The following NWD2 variants were observed in gnomAD, a reference collection of about 807,000 sequenced individuals.
NWD2 encodes NACHT and WD repeat domain-containing protein 2.
NWD2 carries 37 observed loss-of-function variants against 132.7 expected under a neutral mutation model. The observed-to-expected ratio is 0.28, with a 90% CI of 0.21 to 0.37. The LOEUF (loss-of-function observed/expected upper bound fraction) is 0.37. Among genes scored for constraint, NWD2 ranks in the 10% least tolerant of loss-of-function variants. NWD2 has a pLI of 1.00. For synonymous variants in NWD2, 705 were observed against 803.0 expected (o/e 0.88, Z 2.06); for missense variants, 1,592 against 2,122.4 (o/e 0.75, Z 4.91).
At chr4:37,399,346 C>T (rs912633750) in intron 3 of NWD2, among the ~76,000 whole-genome samples, 17 of 152,214 alleles carry the variant, frequency 1.1e-4, no homozygotes, top group African/African-American at 4.1e-4. Flanking sequence ...GGCCTGGATT[C>T]AGCTTAACCC....
At chr4:37,312,569 C>G (rs1386044542) in intron 1 of NWD2, among the ~76,000 whole-genome samples, 1 of 150,984 alleles carries the variant, frequency 6.6e-6, no homozygotes, top group Non-Finnish European at 1.5e-5. Flanking sequence ...ATCATGTCAT[C>G]TGCAAACAGG....
intron 4 of NWD2, among the ~76,000 whole-genome samples, chr4:37,433,525 A>G (rs1712233056): frequency 6.6e-6 from 1 of 152,232 alleles, no homozygotes; most frequent in South Asian, 2.1e-4. Context: ...ACTAGATATA[A>G]CATAAGAGCA....
chr4:37,266,262 TAACTC>T (rs976365818), intron 1 of NWD2, among the ~76,000 whole-genome samples: 23 of 152,214 alleles, frequency 1.5e-4, no homozygotes, highest in Middle Eastern at 3.4e-3. Context: ...GAGCCACTGT[TAACTC>T]AAGTAATTGA....
chr4:37,384,717 TAC>T, intron 3 of NWD2, among the ~76,000 whole-genome samples: 1 of 152,362 alleles, frequency 6.6e-6, no homozygotes, highest in Non-Finnish European at 1.5e-5. Context: ...AGCCTCCAGA[TAC>T]ATCTAAAAGA....
At chr4:37,368,970 G>A (rs947901944) in intron 3 of NWD2, among the ~76,000 whole-genome samples, 1 of 152,164 alleles carries the variant, frequency 6.6e-6, no homozygotes, top group South Asian at 2.1e-4. Context: ...AGCTAAGGGG[G>A]TGAAATAGAA....
chr4:37,363,787 G>A (rs187951770), intron 3 of NWD2, among the ~76,000 whole-genome samples: 172 of 152,202 alleles, frequency 1.1e-3, no homozygotes, highest in African/African-American at 4.0e-3. Flanking sequence ...ACAAACCTGC[G>A]TATGTATGCC....
chr4:37,324,671 G>T (rs1719135793), intron 1 of NWD2, among the ~76,000 whole-genome samples: 1 of 152,120 alleles, frequency 6.6e-6, no homozygotes, highest in Non-Finnish European at 1.5e-5. Flanking sequence ...TGAATCTAAG[G>T]CTGGAAAATA....
chr4:37,300,654 C>T (rs1577660477), intron 1 of NWD2, among the ~76,000 whole-genome samples: 2 of 151,980 alleles, frequency 1.3e-5, no homozygotes, highest in African/African-American at 4.8e-5. Flanking sequence ...TAATAAAGCA[C>T]AAAAAGTATA....
At chr4:37,346,275 T>C (rs907146584) in intron 2 of NWD2, among the ~76,000 whole-genome samples, 2 of 152,168 alleles carry the variant, frequency 1.3e-5, no homozygotes, top group African/African-American at 4.8e-5. Flanking sequence ...AGGTTATGGA[T>C]GTGACATTGA....
chr4:37,307,680 G>T (rs1718739556), intron 1 of NWD2, among the ~76,000 whole-genome samples: 1 of 152,110 alleles, frequency 6.6e-6, no homozygotes, highest in African/African-American at 2.4e-5. Flanking sequence ...AAACTTGGAA[G>T]TTTTTAGCAA....
chr4:37,365,518 G>T (rs1456295832), intron 3 of NWD2, among the ~76,000 whole-genome samples: 1 of 152,060 alleles, frequency 6.6e-6, no homozygotes, highest in Non-Finnish European at 1.5e-5. Context: ...AGATTTTCCA[G>T]GTATTTTGCT....
Position 37,445,586 on chromosome 4 carries a change from G to T in NWD2, c.3598G>T (p.Asp1200Tyr), listed in dbSNP as rs1390457248. 2.6e-6 allele frequency: 4 copies of T among 1,552,156 alleles called. No individual in the cohort carries two copies. The East Asian group carries it at 7.3e-5, about 28-fold the overall frequency. The stretch of plus-strand genomic sequence containing the variant: ...GGTGGTCAGCATTGAGCTTTCAGAA[G>T]ACCAAAGTGCAGTTCTGATCTGTAA... ...SEVVSIELSEDQSAVLICKAL... is the reference protein window; with the variant it reads ...SEVVSIELSEYQSAVLICKAL... Residue 1200 changes from aspartate to tyrosine, a missense_variant, in exon 7 of 7, where the codon GAC becomes TAC. Physicochemically the swap from Asp to Tyr is radical, Grantham distance 160. Coordinates refer to ENST00000309447, the MANE Select transcript of NWD2 (RefSeq NM_001144990.2). The surrounding 1 kb of genome is among the most constrained non-coding windows in gnomAD (Gnocchi z 4.7).
chr4:37,362,402 T>C (rs1278924016), intron 3 of NWD2, among the ~76,000 whole-genome samples: 1 of 152,096 alleles, frequency 6.6e-6, no homozygotes, highest in Non-Finnish European at 1.5e-5. Context: ...CATCACCACA[T>C]TACCCAACTT....
chr4:37,438,506 T>C (rs965419209), intron 5 of NWD2, among the ~76,000 whole-genome samples: 8 of 152,156 alleles, frequency 5.3e-5, no homozygotes, highest in African/African-American at 1.9e-4. Flanking sequence ...TTAGAAATAG[T>C]AGATATTAGA....
intron 2 of NWD2, among the ~76,000 whole-genome samples, chr4:37,328,390 C>T (rs1302685658): frequency 6.6e-6 from 1 of 152,032 alleles, no homozygotes; most frequent in Non-Finnish European, 1.5e-5. Flanking sequence ...TGCTATCACT[C>T]CCCTAGCCCC....
chr4:37,350,304 T>G (rs9685876), intron 2 of NWD2, among the ~76,000 whole-genome samples: 1 of 152,072 alleles, frequency 6.6e-6, no homozygotes, highest in African/African-American at 2.4e-5. Context: ...TATTGATTCT[T>G]CCTATCCATG....
At chr4:37,273,497 C>G (rs1386463672) in intron 1 of NWD2, among the ~76,000 whole-genome samples, 1 of 152,038 alleles carries the variant, frequency 6.6e-6, no homozygotes, top group Admixed American at 6.6e-5. Context: ...CTTTAACACC[C>G]CACTGTTAAC....
intron 1 of NWD2, among the ~76,000 whole-genome samples, chr4:37,307,132 A>G (rs574720475): frequency 5.9e-5 from 9 of 152,206 alleles, no homozygotes; most frequent in Admixed American, 3.9e-4. Flanking sequence ...GGTCTAGGGT[A>G]TAGTTTAACT....
chr4:37,367,215 ACCGT>A (rs145768361), intron 3 of NWD2, among the ~76,000 whole-genome samples: 4,962 of 152,246 alleles, frequency 0.033, 129 homozygotes, highest in East Asian at 0.12. Context: ...GAAAGTTAAC[ACCGT>A]TCTAAATAAA....
Sources: allele counts gnomAD v4.1 joint callset (sites outside exome capture counted in the v4.1 genomes callset), GRCh38; gene constraint gnomAD v4.1.1; non-coding constraint Gnocchi (gnomAD v3.1); transcripts MANE v1.5; gene names NCBI Gene and HGNC (gene_info 2026-07-23, HGNC 2026-07-21).